The following SGCG variants were observed in gnomAD, a reference collection of about 807,000 sequenced individuals.
SGCG encodes the protein sarcoglycan gamma, also known as gamma-sarcoglycan.
Under a neutral mutation model 29.3 loss-of-function variants are expected in SGCG, and 26 were observed. That is an observed-to-expected ratio of 0.89 (90% CI 0.65 to 1.23). The LOEUF (loss-of-function observed/expected upper bound fraction) is 1.23. Ranked by LOEUF, SGCG falls within the 50% of genes most tolerant of loss-of-function variation. The pLI is 0.00. For missense variants in SGCG, 353 were observed against 356.0 expected, an observed-to-expected ratio of 0.99 and a Z score of 0.07; for synonymous variants, 145 against 129.7, an observed-to-expected ratio of 1.12 and a Z score of -0.80.
At chr13:23,210,595 G>A (rs911331145) in intron 2 of SGCG, among the ~76,000 whole-genome samples, 2 of 152,138 alleles carry the variant, frequency 1.3e-5, no homozygotes, top group African/African-American at 4.8e-5. Flanking sequence ...GGAGGCTGAA[G>A]CAAGAGAATG....
rs115187726 is a variant in SGCG, at chr13:23,289,878, A to G, written c.506-5537A>G. ...TCCTTGATTCATTATACATCTTAAG[A>G]TCAATCCAACCATTACAAAGGAGGT... On this transcript the variant is annotated intron_variant, in intron 5 of 7. Coordinates refer to ENST00000218867, the MANE Select transcript of SGCG (RefSeq NM_000231.3). Among the ~76,000 whole-genome samples the G allele has an allele frequency of 7.9e-3, 1,201 of 152,284 alleles. 17 individuals are homozygous for G. The highest frequency in any genetic ancestry group is 0.027 in the African/African-American group (1,112 of 41,572).
chr13:23,193,989 T>G (rs1877387242), intron 1 of SGCG, among the ~76,000 whole-genome samples: 1 of 152,056 alleles, frequency 6.6e-6, no homozygotes, highest in African/African-American at 2.4e-5. Flanking sequence ...AAGAAAAAAG[T>G]GTTTTCAAGG....
At chr13:23,207,269 A>G (rs1878017749) in intron 2 of SGCG, among the ~76,000 whole-genome samples, 1 of 152,240 alleles carries the variant, frequency 6.6e-6, no homozygotes, top group South Asian at 2.1e-4. Flanking sequence ...TTTCACATGC[A>G]AAAGAATGAA....
intron 2 of SGCG, among the ~76,000 whole-genome samples, chr13:23,229,190 G>T (rs577050236): frequency 6.6e-6 from 1 of 152,278 alleles, no homozygotes; most frequent in Admixed American, 6.5e-5. Context: ...AGCCTATCTA[G>T]TCTACTGTTG....
At chr13:23,252,718 AAAAAAGTT>A (rs1336275625) in intron 4 of SGCG, among the ~76,000 whole-genome samples, 4 of 151,990 alleles carry the variant, frequency 2.6e-5, no homozygotes, top group African/African-American at 9.7e-5. Flanking sequence ...ACAAACAAAC[AAAAAAGTT>A]AATTAGTACA....
At chr13:23,278,517 G>A (rs1328078053) in intron 4 of SGCG, among the ~76,000 whole-genome samples, 1 of 151,994 alleles carries the variant, frequency 6.6e-6, no homozygotes, top group Non-Finnish European at 1.5e-5. Flanking sequence ...AGTAGATGAT[G>A]AAGGCTGTGC....
At chr13:23,183,170 T>C (rs1876811880) in intron 1 of SGCG, among the ~76,000 whole-genome samples, 1 of 152,190 alleles carries the variant, frequency 6.6e-6, no homozygotes. Flanking sequence ...AGTTGCATTG[T>C]AGCAGCTACC....
At chr13:23,245,341 A>G (rs1364093753) in intron 3 of SGCG, 4 of 152,156 alleles carry the variant, frequency 2.6e-5, no homozygotes, top group African/African-American at 9.7e-5. Context: ...GAGGAACCAA[A>G]CAAGTTCCAG....
chr13:23,264,472 A>G (rs1593205649), intron 4 of SGCG, among the ~76,000 whole-genome samples: 1 of 152,318 alleles, frequency 6.6e-6, no homozygotes, highest in East Asian at 1.9e-4. Flanking sequence ...ATGTATTAGA[A>G]GAATCAATAT....
chr13:23,286,990 C>G (rs548509196), intron 5 of SGCG, among the ~76,000 whole-genome samples: 1 of 152,292 alleles, frequency 6.6e-6, no homozygotes, highest in Admixed American at 6.5e-5. Flanking sequence ...TGAATTATAG[C>G]TTTATCGCCA....
At chr13:23,168,510 T>C in the SGCG span, among the ~76,000 whole-genome samples, 3 of 152,314 alleles carry the variant, frequency 2.0e-5, no homozygotes, top group South Asian at 2.1e-4. Context: ...CCCAGCAGGG[T>C]GCTCGTGCCT....
In SGCG at chr13:23,250,669, G is replaced by A. The variant is rs1325065376; in HGVS notation, c.337G>A (p.Val113Ile). The change falls in exon 4 of 8, where the codon GTA (valine) becomes ATA (isoleucine). Residue 113 changes from valine (V) to isoleucine (I), a missense_variant. Physicochemically the swap from Val to Ile is conservative, Grantham distance 29. Transcript: ENST00000218867. Reference protein sequence around the residue: ...LLLQSTQNVTVNARNSEGEVT... With the variant: ...LLLQSTQNVTINARNSEGEVT... ...TCTACAATCAACCCAGAATGTGACT[G>A]TAAATGCGCGCAACTCAGAAGGGGA... The A allele has an allele frequency of 1.9e-6, 3 of 1,613,064 alleles. No individual in the cohort carries two copies. Among genetic ancestry groups the A allele is most frequent in the African/African-American group, 2.7e-5 (2 of 74,880 alleles).
intron 1 of SGCG, among the ~76,000 whole-genome samples, chr13:23,186,729 G>A (rs1388173183): frequency 2.6e-5 from 4 of 152,280 alleles, no homozygotes; most frequent in African/African-American, 7.2e-5. Context: ...GCAGCTGCTG[G>A]GAAATACAGA....
At chr13:23,320,031 T>A (rs35841011) in intron 6 of SGCG, among the ~76,000 whole-genome samples, 1 of 152,206 alleles carries the variant, frequency 6.6e-6, no homozygotes, top group Non-Finnish European at 1.5e-5. Context: ...CCATTTGCCC[T>A]GTAATGTTTT....
the SGCG span, among the ~76,000 whole-genome samples, chr13:23,168,401 A>G: frequency 2.0e-5 from 3 of 152,204 alleles, no homozygotes; most frequent in African/African-American, 7.2e-5. Context: ...TCTCTAGAAC[A>G]AGAGACCTCT....
At chr13:23,238,493 G>C (rs939517337) in intron 3 of SGCG, among the ~76,000 whole-genome samples, 3 of 152,190 alleles carry the variant, frequency 2.0e-5, no homozygotes, top group Non-Finnish European at 2.9e-5. Flanking sequence ...CCACCAGTCA[G>C]AGTGGAAAAC....
At chr13:23,267,231 C>A (rs943704367) in intron 4 of SGCG, among the ~76,000 whole-genome samples, 8 of 152,194 alleles carry the variant, frequency 5.3e-5, no homozygotes, top group African/African-American at 1.9e-4. Context: ...AGCCAGGCTG[C>A]AGCTAATTTG....
At chr13:23,257,989 C>G (rs1298916544) in intron 4 of SGCG, among the ~76,000 whole-genome samples, 3 of 152,092 alleles carry the variant, frequency 2.0e-5, no homozygotes, top group East Asian at 3.9e-4. Flanking sequence ...GTGGTTCCTC[C>G]AGCTTTGTTC....
chr13:23,227,491 G>A (rs1878946957), intron 2 of SGCG, among the ~76,000 whole-genome samples: 1 of 152,160 alleles, frequency 6.6e-6, no homozygotes, highest in Non-Finnish European at 1.5e-5. Flanking sequence ...CAAACTGTAT[G>A]TAAAAGTCTG....
Sources: allele counts gnomAD v4.1 joint callset (sites outside exome capture counted in the v4.1 genomes callset), GRCh38; gene constraint gnomAD v4.1.1; transcripts MANE v1.5; gene names NCBI Gene and HGNC (gene_info 2026-07-23, HGNC 2026-07-21).